The following SETD3 variants were observed in gnomAD, a reference collection of about 807,000 sequenced individuals.
SETD3 encodes SET domain containing 3, actin N3(tau)-histidine methyltransferase, also known as actin-histidine N-methyltransferase.
Under a neutral mutation model 63.0 loss-of-function variants are expected in SETD3, and 19 were observed. That is an observed-to-expected ratio of 0.30 (90% confidence interval 0.21 to 0.44). The LOEUF (loss-of-function observed/expected upper bound fraction) is 0.44, where lower values mean the gene tolerates loss of function less well. Ranked by LOEUF, SETD3 falls within the 20% of genes least tolerant of loss-of-function variation. The pLI is 1.00. For synonymous variants in SETD3, 286 were observed against 264.1 expected (o/e 1.08, Z -0.80); for missense variants, 587 against 728.5 (o/e 0.81, Z 2.24).
chr14:99,466,867 T>C (rs1470287286), intron 1 of SETD3, among the ~76,000 whole-genome samples: 1 of 152,204 alleles, frequency 6.6e-6, no homozygotes, highest in Non-Finnish European at 1.5e-5. Flanking sequence ...CATAAGCTAA[T>C]GAATAACAAA....
intron 6 of SETD3, among the ~76,000 whole-genome samples, chr14:99,425,359 C>T (rs993171317): frequency 2.0e-5 from 3 of 152,204 alleles, no homozygotes; most frequent in African/African-American, 4.8e-5. Context: ...TGCAAGAACA[C>T]GAAAGGCCTG....
intron 6 of SETD3, among the ~76,000 whole-genome samples, chr14:99,452,944 C>A (rs543835172): frequency 6.6e-6 from 1 of 152,172 alleles, no homozygotes; most frequent in African/African-American, 2.4e-5. Context: ...ATAAAAATTG[C>A]GAATGAGGTT....
chr14:99,421,483 T>C (rs1001916022), intron 6 of SETD3, among the ~76,000 whole-genome samples: 3 of 151,984 alleles, frequency 2.0e-5, no homozygotes, highest in Admixed American at 6.6e-5. Context: ...AGGACCACCA[T>C]AATGAAACCA....
At chr14:99,473,087 T>A (rs1895790575) in intron 1 of SETD3, among the ~76,000 whole-genome samples, 1 of 152,170 alleles carries the variant, frequency 6.6e-6, no homozygotes, top group Non-Finnish European at 1.5e-5. Flanking sequence ...AACCTCCCCA[T>A]CTAACAGACA....
intron 9 of SETD3, among the ~76,000 whole-genome samples, chr14:99,405,853 G>A (rs755199171): frequency 1.3e-5 from 2 of 152,202 alleles, no homozygotes; most frequent in Non-Finnish European, 2.9e-5. Context: ...TCCTGCACCT[G>A]GCAGGTGGGT....
chr14:99,429,253 A>G (rs181424827), intron 6 of SETD3, among the ~76,000 whole-genome samples: 18 of 152,312 alleles, frequency 1.2e-4, no homozygotes, highest in African/African-American at 3.4e-4. Flanking sequence ...GGAACCAAAC[A>G]TATTTGCAGG....
At chr14:99,429,434 T>C (rs1893053531) in intron 6 of SETD3, among the ~76,000 whole-genome samples, 1 of 152,070 alleles carries the variant, frequency 6.6e-6, no homozygotes, top group South Asian at 2.1e-4. Context: ...AACTCTGAGA[T>C]GGAATGGAAA....
intron 6 of SETD3, among the ~76,000 whole-genome samples, chr14:99,450,829 G>A (rs1894416996): frequency 1.3e-5 from 2 of 152,192 alleles, no homozygotes; most frequent in South Asian, 4.1e-4. Context: ...TAATAGATAT[G>A]TCTCTATTCC....
chr14:99,409,882 C>G (rs1208043891), intron 8 of SETD3: 1 of 224,116 alleles, frequency 4.5e-6, no homozygotes, highest in East Asian at 8.9e-5. Flanking sequence ...ATTTACCGGT[C>G]ATGAATTCAT....
rs776504574 is a variant in SETD3, at chr14:99,405,289, C to T, written c.1007G>A (p.Arg336Lys). ...GFFFDNNSHDRVKIKLGVSKS... is the reference protein window; with the variant it reads ...GFFFDNNSHDKVKIKLGVSKS... ...ACTCACTCCAAGCTTTATTTTCACT[C>T]TGTCGTGTGAGTTATTGTCAAAGAA... The change falls in exon 10 of 13, where the codon AGA becomes AAA. Residue 336 changes from arginine (R) to lysine (K), a missense_variant. Transcript: ENST00000331768. 6.2e-7 allele frequency: 1 copy of T among 1,614,072 alleles called. No homozygotes were observed. Among genetic ancestry groups the T allele is most frequent in the Non-Finnish European group, 8.5e-7 (1 of 1,179,992 alleles).
intron 1 of SETD3, among the ~76,000 whole-genome samples, chr14:99,475,646 A>G (rs1895936513): frequency 6.6e-6 from 1 of 152,238 alleles, no homozygotes; most frequent in Non-Finnish European, 1.5e-5. Flanking sequence ...CCACTTAAGC[A>G]TATTATACTT....
chr14:99,398,453 G>T lies in SETD3; in HGVS notation c.*226C>A. 1.9e-6 allele frequency: 1 copy of T among 532,806 alleles called. No individual in the cohort carries two copies. Among genetic ancestry groups the T allele is most frequent in the Non-Finnish European group, 3.3e-6 (1 of 302,462 alleles). The allele number at this position is 532,806 out of a possible 1,614,324, so 33.0% of individuals were successfully genotyped here. ...AGGCACCTCTTCTCCCTTTCTTGTG[G>T]TTGTTTGTTAATTGGTTTGTTTTGC... On this transcript the variant is annotated 3_prime_UTR_variant, in exon 13 of 13. Coordinates refer to ENST00000331768, the MANE Select transcript of SETD3 (RefSeq NM_032233.3).
chr14:99,411,413 T>C (rs1179534680), intron 8 of SETD3: 1 of 152,096 alleles, frequency 6.6e-6, no homozygotes, highest in Non-Finnish European at 1.5e-5. Context: ...GAGGTGCCAA[T>C]GGATGGAAGC....
chr14:99,438,738 C>CTGACCATG (rs1893628424), intron 6 of SETD3, among the ~76,000 whole-genome samples: 1 of 152,200 alleles, frequency 6.6e-6, no homozygotes, highest in Non-Finnish European at 1.5e-5. Flanking sequence ...CAGTGCCAGT[C>CTGACCATG]TGACCATGTG....
At chr14:99,441,096 T>A (rs1893783727) in intron 6 of SETD3, among the ~76,000 whole-genome samples, 1 of 152,168 alleles carries the variant, frequency 6.6e-6, no homozygotes, top group Admixed American at 6.5e-5. Context: ...CCAGTAGGGG[T>A]AAACCTGTCA....
At chr14:99,428,058 G>T (rs1892979263) in intron 6 of SETD3, among the ~76,000 whole-genome samples, 1 of 152,204 alleles carries the variant, frequency 6.6e-6, no homozygotes, top group African/African-American at 2.4e-5. Context: ...GCACACAGAG[G>T]GATGAAAAGG....
intron 1 of SETD3, among the ~76,000 whole-genome samples, chr14:99,475,103 A>C (rs1895903583): frequency 6.6e-6 from 1 of 152,208 alleles, no homozygotes; most frequent in South Asian, 2.1e-4. Flanking sequence ...TATCTTTCTA[A>C]AATAAAAAAG....
At chr14:99,448,578 T>G (rs141273871) in intron 6 of SETD3, among the ~76,000 whole-genome samples, 2 of 152,256 alleles carry the variant, frequency 1.3e-5, no homozygotes, top group African/African-American at 4.8e-5. Context: ...CCCATGACCA[T>G]AGAATGCAAG....
intron 8 of SETD3, among the ~76,000 whole-genome samples, chr14:99,407,516 C>T (rs192586044): frequency 6.6e-6 from 1 of 152,272 alleles, no homozygotes; most frequent in East Asian, 1.9e-4. Flanking sequence ...GCTAATTGTA[C>T]GATGTCACTC....
Sources: allele counts gnomAD v4.1 joint callset (sites outside exome capture counted in the v4.1 genomes callset), GRCh38; gene constraint gnomAD v4.1.1; transcripts MANE v1.5; gene names NCBI Gene and HGNC (gene_info 2026-07-23, HGNC 2026-07-21).